EXTL3: variants seen among roughly 807,000 people sequenced by gnomAD.
EXTL3 encodes exostosin like glycosyltransferase 3.
A neutral mutation model predicts 69.3 loss-of-function variants in EXTL3; 27 were observed. That is an observed-to-expected ratio of 0.39 (90% CI 0.29 to 0.54). EXTL3 has a LOEUF of 0.54. EXTL3 is among the 20% of genes least tolerant of loss of function. EXTL3 has a pLI of 0.69. For synonymous variants in EXTL3, 511 were observed against 499.4 expected, an observed-to-expected ratio of 1.02 and a Z score of -0.31; for missense variants, 1,003 against 1,231.8, an observed-to-expected ratio of 0.81 and a Z score of 2.78.
chr8:28,732,754 C>T (rs922780909), intron 4 of EXTL3, among the ~76,000 whole-genome samples: 10 of 152,234 alleles, frequency 6.6e-5, no homozygotes, highest in Admixed American at 5.2e-4. Flanking sequence ...GATGGAGTCT[C>T]ACTCTGTTGC....
chr8:28,656,056 A>T (rs1807005470), intron 1 of EXTL3, among the ~76,000 whole-genome samples: 1 of 152,144 alleles, frequency 6.6e-6, no homozygotes. Context: ...CTTTTAGACA[A>T]TAAATCCATT....
At chr8:28,625,409 CAG>C (rs2130549888) in intron 1 of EXTL3, among the ~76,000 whole-genome samples, 1 of 152,312 alleles carries the variant, frequency 6.6e-6, no homozygotes, top group Admixed American at 6.5e-5. Flanking sequence ...GAGAGGAACT[CAG>C]AGCATTTCCT....
intron 1 of EXTL3, among the ~76,000 whole-genome samples, chr8:28,651,475 G>A (rs916581102): frequency 6.6e-6 from 1 of 152,058 alleles, no homozygotes; most frequent in Non-Finnish European, 1.5e-5. Context: ...ACAGGCATAT[G>A]CCACCACACC....
intron 2 of EXTL3, among the ~76,000 whole-genome samples, chr8:28,608,634 G>A (rs533651826): frequency 2.0e-5 from 3 of 152,038 alleles, no homozygotes; most frequent in East Asian, 1.9e-4. Context: ...AGGCCGAAGC[G>A]GGGGGATCAC....
intron 1 of EXTL3, among the ~76,000 whole-genome samples, chr8:28,691,034 C>T (rs1800606855): frequency 6.6e-6 from 1 of 152,050 alleles, no homozygotes; most frequent in Non-Finnish European, 1.5e-5. Context: ...TGTTGTTAGA[C>T]AGGCTAGACT....
chr8:28,715,426 A>G (rs1325893870), intron 2 of EXTL3, among the ~76,000 whole-genome samples, 159 bp from the exon 3 acceptor site: 2 of 152,236 alleles, frequency 1.3e-5, no homozygotes, highest in Non-Finnish European at 2.9e-5. Context: ...ACCAAACAGC[A>G]AACAACATCT....
Position 28,716,536 on chromosome 8 carries a change from G to T in EXTL3, c.477G>T (p.Leu159=), listed in dbSNP as rs762558658. The T allele has an allele frequency of 5.0e-6, 8 of 1,614,104 alleles. No homozygotes were observed. The South Asian group carries it at 8.8e-5, about 18-fold the overall frequency. The part of the protein sequence containing the change: ...NQPKLSLPIR[L]LPEKDDAGLP... ...CCAAGCTGTCCCTGCCCATCCGACT[G>T]CTCCCAGAGAAGGACGATGCCGGCC... Residue 159 remains leucine, a synonymous_variant, in exon 3 of 7, where the codon CTG becomes CTT. Coordinates refer to ENST00000220562, the MANE Select transcript of EXTL3 (RefSeq NM_001440.4). This position sits in a 1 kb window ranked among gnomAD's most constrained non-coding sequence, Gnocchi z 7.1.
At chr8:28,702,237 C>T (rs1236073765) in intron 1 of EXTL3, among the ~76,000 whole-genome samples, 3 of 152,214 alleles carry the variant, frequency 2.0e-5, no homozygotes, top group African/African-American at 7.2e-5. Flanking sequence ...CTTTCAGGAG[C>T]CACAGTCAGA....
At chr8:28,726,485 A>G (rs1206163913) in intron 3 of EXTL3, among the ~76,000 whole-genome samples, 1 of 152,170 alleles carries the variant, frequency 6.6e-6, no homozygotes, top group African/African-American at 2.4e-5. Context: ...TTAGGTAATG[A>G]ACTATAGTTA....
upstream of EXTL3, among the ~76,000 whole-genome samples, chr8:28,618,201 C>T (rs1379509253): frequency 1.3e-5 from 2 of 152,042 alleles, no homozygotes; most frequent in African/African-American, 2.4e-5. Flanking sequence ...CATGGTGGCT[C>T]ACACCTGTAA....
chr8:28,685,681 T>C (rs1807565144), intron 1 of EXTL3, among the ~76,000 whole-genome samples: 2 of 152,100 alleles, frequency 1.3e-5, no homozygotes, highest in Admixed American at 1.3e-4. Context: ...GCCAGAATTA[T>C]ATGGCATTTT....
intron 4 of EXTL3, 138 bp from the exon 5 acceptor site, chr8:28,737,381 T>G: frequency 2.2e-6 from 2 of 915,838 alleles, no homozygotes; most frequent in Non-Finnish European, 3.5e-6. Context: ...TTGTTGTTGA[T>G]TTTGTTTTAT....
chr8:28,703,200 G>A (rs1800848569), intron 1 of EXTL3, among the ~76,000 whole-genome samples: 1 of 152,172 alleles, frequency 6.6e-6, no homozygotes, highest in African/African-American at 2.4e-5. Context: ...TGGCTCTTCA[G>A]ACTTCCGGAA....
intron 1 of EXTL3, among the ~76,000 whole-genome samples, chr8:28,675,204 G>A (rs1807360748): frequency 6.6e-6 from 1 of 152,094 alleles, no homozygotes; most frequent in Non-Finnish European, 1.5e-5. Flanking sequence ...CTCAGCTGAG[G>A]GATTTAGAAA....
At chr8:28,639,924 A>G (rs1197446299) in intron 1 of EXTL3, among the ~76,000 whole-genome samples, 1 of 152,188 alleles carries the variant, frequency 6.6e-6, no homozygotes, top group Non-Finnish European at 1.5e-5. Flanking sequence ...CCAACATGGC[A>G]AAACCCTGTC....
intron 1 of EXTL3, among the ~76,000 whole-genome samples, chr8:28,641,706 C>CA (rs1339317480): frequency 7.2e-5 from 11 of 152,140 alleles, no homozygotes; most frequent in African/African-American, 2.7e-4. Context: ...CTCCTGACCT[C>CA]AAGTGATCCA....
At chr8:28,711,274 GT>G (rs1360769140) in intron 1 of EXTL3, among the ~76,000 whole-genome samples, 1 of 151,734 alleles carries the variant, frequency 6.6e-6, no homozygotes, top group African/African-American at 2.4e-5. Context: ...AAACCTCTTT[GT>G]TTTCTTGATT....
chr8:28,662,213 T>C (rs1190053981), intron 1 of EXTL3, among the ~76,000 whole-genome samples: 1 of 152,086 alleles, frequency 6.6e-6, no homozygotes, highest in African/African-American at 2.4e-5. Context: ...TAAGAAATGT[T>C]ATATCATTTT....
At position 28,715,869 on chromosome 8, in the gene EXTL3, G is replaced by C; in HGVS notation, c.-191G>C. 1 of 593,930 alleles carries C rather than the reference G, an allele frequency of 1.7e-6. No homozygotes were observed. The highest frequency in any genetic ancestry group is 3.0e-6 in the Non-Finnish European group (1 of 335,712). The allele number at this position is 593,930 out of a possible 1,614,324, so 36.8% of individuals were successfully genotyped here. On this transcript the variant is annotated 5_prime_UTR_variant, in exon 3 of 7. Coordinates refer to ENST00000220562, the MANE Select transcript of EXTL3 (RefSeq NM_001440.4). ...AACAGCCAGAACTTAAAATCTGCTG[G>C]AATAGGGTCAGAGACCATTTCAGCT...
Sources: gnomAD v4.1 joint callset for allele counts (sites outside exome capture counted in the v4.1 genomes callset) on GRCh38, gnomAD v4.1.1 for gene constraint, Gnocchi (gnomAD v3.1) non-coding constraint, MANE v1.5 for transcripts, NCBI Gene and HGNC (gene_info 2026-07-23, HGNC 2026-07-21) for gene names.